The following TRMT61A variants were observed in gnomAD, a reference collection of about 807,000 sequenced individuals.
The protein encoded by TRMT61A is tRNA (adenine(58)-N(1))-methyltransferase catalytic subunit TRMT61A.
A neutral mutation model predicts 21.3 loss-of-function variants in TRMT61A; 15 were observed. The observed-to-expected ratio is 0.70, with a 90% CI of 0.47 to 1.08. The LOEUF is 1.08. Among genes scored for constraint, TRMT61A ranks in the 50% least tolerant of loss-of-function variants. The pLI, the probability that TRMT61A is intolerant of heterozygous loss-of-function variation, is 0.00. For synonymous variants in TRMT61A, 183 were observed against 185.5 expected (o/e 0.99, Z 0.11); for missense variants, 352 against 426.7 (o/e 0.83, Z 1.54).
chr14:103,533,260 T>TG (rs1336351511), intron 3 of TRMT61A, among the ~76,000 whole-genome samples: 1 of 152,130 alleles, frequency 6.6e-6, no homozygotes, highest in Non-Finnish European at 1.5e-5. Context: ...CTGGGGAAGG[T>TG]CGGGCCTCAA....
chr14:103,532,010 G>A (rs1021648167), intron 2 of TRMT61A, among the ~76,000 whole-genome samples: 6 of 151,532 alleles, frequency 4.0e-5, no homozygotes, highest in Non-Finnish European at 8.8e-5. Flanking sequence ...TGCGTCCTGA[G>A]TCCAACCAGG....
intron 3 of TRMT61A, among the ~76,000 whole-genome samples, chr14:103,534,197 A>G (rs1324984367): frequency 6.6e-6 from 1 of 152,222 alleles, no homozygotes; most frequent in African/African-American, 2.4e-5. Context: ...GTGCTGTCAG[A>G]GCTGCTCCGG....
In TRMT61A at chr14:103,535,479, C is replaced by A; in HGVS notation, c.*658C>A. 1 of 388,838 alleles carries A rather than the reference C, an allele frequency of 2.6e-6. No homozygotes were observed. Among genetic ancestry groups the A allele is most frequent in the Non-Finnish European group, 5.2e-6 (1 of 193,272 alleles). The allele number at this position is 388,838 out of a possible 1,614,324, so 24.1% of individuals were successfully genotyped here. On this transcript the variant is annotated 3_prime_UTR_variant, in exon 4 of 4. Transcript: ENST00000389749. ...TGTCCAAGAGGCGGGGCATCCCCCA[C>A]CCAGCCAGAGCCCCTGACATGGGCT...
Position 103,534,936 on chromosome 14 carries a change from T to C in TRMT61A, c.*115T>C. 7.2e-7 allele frequency: 1 copy of C among 1,397,148 alleles called. No individual in the cohort carries two copies. Among genetic ancestry groups the C allele is most frequent in the Non-Finnish European group, 9.8e-7 (1 of 1,020,750 alleles). 86.5% of individuals were successfully genotyped at this position (1,397,148 alleles called of 1,614,324 possible). A position where few individuals can be genotyped will look rare whatever the true frequency, so the allele number is the denominator to read the frequency against. On this transcript the variant is annotated 3_prime_UTR_variant, in exon 4 of 4. Coordinates refer to ENST00000389749, the MANE Select transcript of TRMT61A (RefSeq NM_152307.3). ...CCAGACACAGACGGTGGGGTGGGGC[T>C]TGGGGGCCTCCTGGGTGGCCAGAGT...
In TRMT61A at chr14:103,531,713, G is replaced by C. The variant is rs1317043309; in HGVS notation, c.332-869G>C. ...ATAGAGGGAGTGGAGGCACCTCCAT[G>C]GGTCTGGCCCAAGCACTTGCGATGC... On this transcript the variant is annotated intron_variant, in intron 2 of 3. Transcript: ENST00000389749. This position sits in a 1 kb window ranked among gnomAD's most constrained non-coding sequence, Gnocchi z 5.1. 6.6e-6 allele frequency among the ~76,000 whole-genome samples: 1 copy of C among 152,182 alleles called. No homozygotes were observed. Among genetic ancestry groups the C allele is most frequent in the African/African-American group, 2.4e-5 (1 of 41,450 alleles).
rs944366774 is a variant in TRMT61A, at chr14:103,536,621, G to A, written c.*1800G>A. On this transcript the variant is annotated 3_prime_UTR_variant, in exon 4 of 4. Coordinates refer to ENST00000389749, the MANE Select transcript of TRMT61A (RefSeq NM_152307.3). ...TGAACTGGGTGACGCACACCCCTGA[G>A]ATCTCAGTTCCCCCAAGCCTGCCCT... is the stretch of plus-strand genomic sequence containing the variant. 2 of 152,304 alleles carry A rather than the reference G, an allele frequency of 1.3e-5. No homozygotes were observed. The highest frequency in any genetic ancestry group is 1.3e-4 in the Admixed American group (2 of 15,280). 9.4% of individuals were successfully genotyped at this position (152,304 alleles called of 1,614,324 possible). A position where few individuals can be genotyped will look rare whatever the true frequency, so the allele number is the denominator to read the frequency against.
intron 3 of TRMT61A, 129 bp from the exon 4 acceptor site, chr14:103,534,421 C>G (rs1408045654): frequency 1.8e-6 from 2 of 1,125,600 alleles, no homozygotes; most frequent in South Asian, 3.8e-5. Context: ...TCTTGGAGAG[C>G]TTGCAGTCTG....
chr14:103,529,758 AAAGGCTTCAGAGG>A (rs1273013203), intron 1 of TRMT61A, among the ~76,000 whole-genome samples, 179 bp from the exon 2 acceptor site: 2 of 152,222 alleles, frequency 1.3e-5, no homozygotes, highest in African/African-American at 4.8e-5. Context: ...CTAGACCAAG[AAAGGCTTCAGAGG>A]CCAGGCCAGA....
In TRMT61A at chr14:103,529,919, CTT is replaced by C. The variant is rs2075947767; in HGVS notation, c.-29-30_-29-29del. 4.0e-6 allele frequency: 6 copies of C among 1,494,232 alleles called. No individual in the cohort carries two copies. In the Admixed American group the frequency reaches 6.0e-5, roughly 15 times the overall value. 92.6% of individuals were successfully genotyped at this position (1,494,232 alleles called of 1,614,324 possible). ...CCTAGGCCCTCATCCTGCCTCCTGA[CTT>C]GCTCATGCCTACACACACCCCTCCC... On this transcript the variant is annotated intron_variant, in intron 1 of 3. Transcript: ENST00000389749.
intron 3 of TRMT61A, 135 bp from the exon 4 acceptor site, chr14:103,534,415 G>A (rs2075965634): frequency 9.4e-7 from 1 of 1,064,960 alleles, no homozygotes; most frequent in Non-Finnish European, 1.3e-6. Flanking sequence ...CCCAGCTCTT[G>A]GAGAGCTTGC....
rs375618110 is a variant in TRMT61A at position 103,534,838 on chromosome 14, G to A, written c.*17G>A. The A allele has an allele frequency of 1.5e-4, 233 of 1,537,714 alleles. No homozygotes were observed. Among genetic ancestry groups the A allele is most frequent in the Admixed American group, 5.9e-5 (3 of 51,008 alleles). On this transcript the variant is annotated 3_prime_UTR_variant, in exon 4 of 4. Coordinates refer to ENST00000389749, the MANE Select transcript of TRMT61A (RefSeq NM_152307.3). The stretch of plus-strand genomic sequence containing the variant: ...CCAGGCTAGGGGGCCGCCTCCCAGG[G>A]CACCAGGGAGCTGGGAGCACTGAAG...
intron 3 of TRMT61A, among the ~76,000 whole-genome samples, 186 bp downstream of exon 3, chr14:103,533,034 G>T (rs911554): frequency 0.37 from 56,643 of 152,150 alleles, 10,775 homozygotes; most frequent in East Asian, 0.52. Context: ...GAGCTGGGGA[G>T]GATGGTCCCT....
In TRMT61A at chr14:103,535,501, G is replaced by T. The variant is rs2075970768; in HGVS notation, c.*680G>T. The T allele has an allele frequency of 5.4e-6, 2 of 370,052 alleles. No homozygotes were observed. The highest frequency in any genetic ancestry group is 4.2e-5 in the African/African-American group (2 of 47,226). The allele number at this position is 370,052 out of a possible 1,614,324, so 22.9% of individuals were successfully genotyped here. A position where few individuals can be genotyped will look rare whatever the true frequency, so the allele number is the denominator to read the frequency against. ...CCACCCAGCCAGAGCCCCTGACATG[G>T]GCTGCACTCGCTGAGGCCAGGCAGC... On this transcript the variant is annotated 3_prime_UTR_variant, in exon 4 of 4. Coordinates refer to ENST00000389749, the MANE Select transcript of TRMT61A (RefSeq NM_152307.3).
chr14:103,530,041 C>T lies in TRMT61A; in HGVS notation c.63C>T (p.Gly21=), dbSNP rs779224091. 2 of 1,612,942 alleles carry T rather than the reference C, an allele frequency of 1.2e-6. No individual in the cohort carries two copies. Among genetic ancestry groups the T allele is most frequent in the South Asian group, 1.1e-5 (1 of 91,082 alleles). The change falls in exon 2 of 4, where the codon GGC becomes GGT. Residue 21 remains glycine (G), a synonymous_variant. Transcript: ENST00000389749. ...GTGACACGGCCATCCTGTCACTGGG[C>T]CATGGTGCAATGGTGGCGGTGCGTG... ...KEGDTAILSL[G]HGAMVAVRVQ... is the part of the protein sequence containing the mutation.
Position 103,534,719 on chromosome 14 carries a change from C to T in TRMT61A, c.768C>T (p.Gly256=). ...PPPDLGTGTD[G]PAGSDTSPFR... ...CCGACCTGGGCACAGGCACAGATGG[C>T]CCTGCCGGCTCCGACACCAGCCCCT... Residue 256 remains glycine, a synonymous_variant, in exon 4 of 4, where the codon GGC becomes GGT. Coordinates refer to ENST00000389749, the MANE Select transcript of TRMT61A (RefSeq NM_152307.3). 6.2e-7 allele frequency: 1 copy of T among 1,605,346 alleles called. No individual in the cohort carries two copies. The highest frequency in any genetic ancestry group is 1.3e-5 in the African/African-American group (1 of 75,028).
At chr14:103,533,884 C>A (rs960719553) in intron 3 of TRMT61A, among the ~76,000 whole-genome samples, 3 of 152,240 alleles carry the variant, frequency 2.0e-5, no homozygotes, top group Non-Finnish European at 4.4e-5. Context: ...TCCTGGCGGC[C>A]CCGTGTTAGG....
rs1343880588 is a variant in TRMT61A, at chr14:103,531,168, C to G, written c.331+859C>G. ...CTGGCCTCCTCAGATATGCCAGGTC[C>G]CCTCCTAGGAACCGTGAACTAGAGA... On this transcript the variant is annotated intron_variant, in intron 2 of 3. Transcript: ENST00000389749. The surrounding 1 kb of genome is among the most constrained non-coding windows in gnomAD (Gnocchi z 5.1). 6.6e-6 allele frequency among the ~76,000 whole-genome samples: 1 copy of G among 152,144 alleles called. No homozygotes were observed. Among genetic ancestry groups the G allele is most frequent in the Non-Finnish European group, 1.5e-5 (1 of 67,990 alleles).
rs879400235 is a variant in TRMT61A, at chr14:103,530,085, C to A, written c.107C>A (p.Thr36Asn). The stretch of plus-strand genomic sequence containing the variant: ...GTGCGTGTGCAGCGTGGGGCACAGA[C>A]CCAGACCCGGCATGGTGTCCTGCGG... ...VAVRVQRGAQ[T>N]QTRHGVLRHS... The change falls in exon 2 of 4, where the codon ACC becomes AAC. Residue 36 changes from threonine (T) to asparagine (N), a missense_variant. Thr to Asn is a moderately conservative substitution (Grantham distance 65). Coordinates refer to ENST00000389749, the MANE Select transcript of TRMT61A (RefSeq NM_152307.3). 5.0e-6 allele frequency: 8 copies of A among 1,612,770 alleles called. No homozygotes were observed. Among genetic ancestry groups the A allele is most frequent in the Admixed American group, 1.7e-5 (1 of 60,008 alleles).
chr14:103,534,642 C>T lies in TRMT61A; in HGVS notation c.691C>T (p.Leu231=), dbSNP rs1285572338. ...AARGFSELST[L]EVLPQVYNVR... ...GCGCGGCTTCTCAGAGCTGAGCACCCTGGAGGTGCTGCCACAGGTCTACAA... is the reference window on the plus strand; with the variant it reads ...GCGCGGCTTCTCAGAGCTGAGCACCTTGGAGGTGCTGCCACAGGTCTACAA... The change falls in exon 4 of 4, where the codon CTG becomes TTG. Residue 231 remains leucine (L), a synonymous_variant. Transcript: ENST00000389749. 4 of 1,611,192 alleles carry T rather than the reference C, an allele frequency of 2.5e-6. No individual in the cohort carries two copies. Among genetic ancestry groups the T allele is most frequent in the Admixed American group, 1.7e-5 (1 of 59,978 alleles).
Sources: allele counts gnomAD v4.1 joint callset (sites outside exome capture counted in the v4.1 genomes callset), GRCh38; gene constraint gnomAD v4.1.1; non-coding constraint Gnocchi (gnomAD v3.1); transcripts MANE v1.5; gene names NCBI Gene and HGNC (gene_info 2026-07-23, HGNC 2026-07-21).